SYT1: variants seen among roughly 807,000 people sequenced by gnomAD.
SYT1 encodes synaptotagmin-1.
Under a neutral mutation model 44.8 loss-of-function variants are expected in SYT1, and 8 were observed. The observed-to-expected ratio is 0.18, with a 90% CI of 0.10 to 0.32. The LOEUF (loss-of-function observed/expected upper bound fraction) is 0.32. SYT1 is among the 10% of genes least tolerant of loss of function. The pLI is 1.00. For synonymous variants in SYT1, 154 were observed against 188.8 expected, an observed-to-expected ratio of 0.82 and a Z score of 1.51; for missense variants, 286 against 509.3, an observed-to-expected ratio of 0.56 and a Z score of 4.22.
intron 9 of SYT1, among the ~76,000 whole-genome samples, chr12:79,405,117 T>A (rs1406394203): frequency 6.6e-6 from 1 of 152,210 alleles, no homozygotes; most frequent in Non-Finnish European, 1.5e-5. Context: ...CTATCATTTT[T>A]AAATAAACAG....
intron 4 of SYT1, among the ~76,000 whole-genome samples, chr12:79,257,405 T>C (rs1225890165): frequency 1.3e-5 from 2 of 152,256 alleles, no homozygotes; most frequent in African/African-American, 2.4e-5. Context: ...ACACTTTTGG[T>C]GCAGAACAAA....
chr12:79,435,997 T>C (rs1190192359), intron 9 of SYT1, among the ~76,000 whole-genome samples: 1 of 152,164 alleles, frequency 6.6e-6, no homozygotes, highest in Non-Finnish European at 1.5e-5. Context: ...GAAGATAACA[T>C]GTGGACACAC....
chr12:78,890,398 G>A (rs578142149), intron 1 of SYT1, among the ~76,000 whole-genome samples: 19 of 151,950 alleles, frequency 1.3e-4, no homozygotes, highest in African/African-American at 3.9e-4. Flanking sequence ...GTGGGGTGAC[G>A]GGAGCGGGGA....
chr12:79,410,278 A>T (rs1024756895), intron 9 of SYT1, among the ~76,000 whole-genome samples: 1 of 152,246 alleles, frequency 6.6e-6, no homozygotes, highest in South Asian at 2.1e-4. Flanking sequence ...TTACTAAAGA[A>T]ATACCTTACT....
intron 6 of SYT1, among the ~76,000 whole-genome samples, chr12:79,294,341 T>C (rs1421971117): frequency 1.3e-5 from 2 of 152,124 alleles, no homozygotes; most frequent in South Asian, 4.1e-4. Context: ...ATATTACACA[T>C]TGGTTTTTCC....
intron 3 of SYT1, among the ~76,000 whole-genome samples, chr12:79,179,128 A>ATATAGATATAGATATATAGATATATC (rs1565841361): frequency 1.8e-5 from 2 of 113,532 alleles, no homozygotes; most frequent in African/African-American, 4.1e-5. Flanking sequence ...ATAGATATAG[A>ATATAGATATAGATATATAGATATATC]TATATAGATA....
intron 4 of SYT1, among the ~76,000 whole-genome samples, chr12:79,241,576 T>A (rs560619787): frequency 6.6e-6 from 1 of 152,324 alleles, no homozygotes; most frequent in East Asian, 1.9e-4. Flanking sequence ...ACTTTGAATG[T>A]GTTTCCCAAA....
At chr12:79,169,612 C>A (rs576502721) in intron 3 of SYT1, among the ~76,000 whole-genome samples, 1 of 151,994 alleles carries the variant, frequency 6.6e-6, no homozygotes, top group Non-Finnish European at 1.5e-5. Context: ...AACTATGTGA[C>A]CAAATCTAGC....
At chr12:79,335,374 C>T (rs1296690230) in intron 8 of SYT1, among the ~76,000 whole-genome samples, 1 of 147,510 alleles carries the variant, frequency 6.8e-6, no homozygotes, top group African/African-American at 2.5e-5. Context: ...TATGCCTTTG[C>T]TTGTGTTCTC....
intron 9 of SYT1, among the ~76,000 whole-genome samples, chr12:79,440,276 A>T (rs1335095417): frequency 6.6e-6 from 1 of 152,230 alleles, no homozygotes; most frequent in Non-Finnish European, 1.5e-5. Flanking sequence ...AAAAGAAGTG[A>T]AGTGTCCCAT....
In SYT1 at chr12:78,940,124, G is replaced by A. The variant is rs543820415; in HGVS notation, c.-216-37675G>A. Among the ~76,000 whole-genome samples the A allele has an allele frequency of 3.3e-5, 5 of 152,082 alleles. No individual in the cohort carries two copies. In the East Asian group the frequency reaches 5.8e-4, roughly 18 times the overall value. On this transcript the variant is annotated intron_variant, in intron 1 of 10. Coordinates refer to ENST00000261205, the MANE Select transcript of SYT1 (RefSeq NM_005639.3). ...ATGTGCTTAAATGCTAGTCCCTGGA[G>A]CCTAACAGAATACTCTTTACTTAGT...
intron 2 of SYT1, among the ~76,000 whole-genome samples, chr12:79,018,711 T>A (rs1214157441): frequency 6.6e-6 from 1 of 151,972 alleles, no homozygotes; most frequent in Non-Finnish European, 1.5e-5. Flanking sequence ...GGAAGAAAAG[T>A]TGCTCCTTAT....
At chr12:78,939,856 AT>A (rs1878257638) in intron 1 of SYT1, among the ~76,000 whole-genome samples, 1 of 152,176 alleles carries the variant, frequency 6.6e-6, no homozygotes, top group South Asian at 2.1e-4. Flanking sequence ...TTATAGAGAA[AT>A]TAGGGTTTCT....
intron 1 of SYT1, among the ~76,000 whole-genome samples, chr12:78,891,593 G>A (rs575535363): frequency 6.6e-6 from 1 of 151,972 alleles, no homozygotes; most frequent in African/African-American, 2.4e-5. Flanking sequence ...GTGAAATGAT[G>A]GTTAACTAAC....
At chr12:79,286,856 T>A (rs1048307358) in intron 5 of SYT1, among the ~76,000 whole-genome samples, 9 of 151,398 alleles carry the variant, frequency 5.9e-5, no homozygotes, top group Non-Finnish European at 1.2e-4. Flanking sequence ...TACAGATTTT[T>A]TATAGAATTA....
At chr12:79,099,497 A>G (rs1678683861) in intron 3 of SYT1, among the ~76,000 whole-genome samples, 1 of 152,156 alleles carries the variant, frequency 6.6e-6, no homozygotes, top group Admixed American at 6.6e-5. Context: ...TTGAGGTAGA[A>G]CAGTGAACAA....
intron 9 of SYT1, among the ~76,000 whole-genome samples, chr12:79,396,773 T>A (rs1456031365): frequency 1.3e-5 from 2 of 152,242 alleles, no homozygotes; most frequent in African/African-American, 4.8e-5. Context: ...CCAGGCATTA[T>A]AATGTTGGTA....
chr12:78,949,336 T>C (rs1878840382), intron 1 of SYT1, among the ~76,000 whole-genome samples: 1 of 151,858 alleles, frequency 6.6e-6, no homozygotes, highest in South Asian at 2.1e-4. Context: ...GGGTGTGAAA[T>C]AAAGTTTTAT....
intron 8 of SYT1, among the ~76,000 whole-genome samples, chr12:79,300,706 T>A (rs1415651221): frequency 6.6e-6 from 1 of 150,470 alleles, no homozygotes; most frequent in African/African-American, 2.4e-5. Context: ...CTCTTTTTTT[T>A]GGAAAAAAGT....
Sources: gnomAD v4.1 joint callset for allele counts (sites outside exome capture counted in the v4.1 genomes callset) on GRCh38, gnomAD v4.1.1 for gene constraint, MANE v1.5 for transcripts, NCBI Gene and HGNC (gene_info 2026-07-23, HGNC 2026-07-21) for gene names.